ARHGAP10: variants seen among roughly 807,000 people sequenced by gnomAD.
ARHGAP10 encodes rho GTPase-activating protein 10.
A neutral mutation model predicts 108.6 loss-of-function variants in ARHGAP10; 87 were observed. The ratio of observed to expected loss-of-function variants is 0.80; its 90% CI spans 0.67 to 0.96. The LOEUF (loss-of-function observed/expected upper bound fraction) is 0.96, where lower values mean the gene tolerates loss of function less well. Ranked by LOEUF, ARHGAP10 falls within the 40% of genes least tolerant of loss-of-function variation. The pLI, the probability that ARHGAP10 is intolerant of heterozygous loss-of-function variation, is 0.00. For synonymous variants in ARHGAP10, 347 were observed against 341.1 expected (o/e 1.02, Z -0.19); for missense variants, 939 against 954.5 (o/e 0.98, Z 0.21).
intron 22 of ARHGAP10, among the ~76,000 whole-genome samples, chr4:148,068,487 G>T (rs1022655117): frequency 3.9e-5 from 6 of 152,142 alleles, no homozygotes; most frequent in Admixed American, 2.6e-4. Flanking sequence ...TAGCACAGGG[G>T]AATCTGAGAA....
chr4:147,825,374 G>A (rs1732666489), intron 3 of ARHGAP10, among the ~76,000 whole-genome samples: 1 of 152,042 alleles, frequency 6.6e-6, no homozygotes, highest in South Asian at 2.1e-4. Context: ...TTGAGCCCGG[G>A]AGGCGGAGGT....
At chr4:147,922,299 G>A (rs1235002230) in intron 13 of ARHGAP10, among the ~76,000 whole-genome samples, 2 of 151,894 alleles carry the variant, frequency 1.3e-5, no homozygotes, top group Non-Finnish European at 2.9e-5. Context: ...TTGCCTTTGA[G>A]TGATAAGGAC....
At chr4:147,908,323 T>C (rs759329436) in intron 11 of ARHGAP10, among the ~76,000 whole-genome samples, 5 of 152,194 alleles carry the variant, frequency 3.3e-5, no homozygotes, top group Non-Finnish European at 5.9e-5. Flanking sequence ...TTTGCATCCA[T>C]TAAAATACAG....
intron 1 of ARHGAP10, among the ~76,000 whole-genome samples, chr4:147,778,679 A>G (rs1730408057): frequency 6.6e-6 from 1 of 152,132 alleles, no homozygotes; most frequent in African/African-American, 2.4e-5. Flanking sequence ...GCCTTAGAGT[A>G]TTTCTTAACA....
At chr4:148,049,470 G>A (rs1051817350) in intron 20 of ARHGAP10, among the ~76,000 whole-genome samples, 5 of 152,120 alleles carry the variant, frequency 3.3e-5, no homozygotes, top group African/African-American at 9.7e-5. Context: ...CCCAGTAGCC[G>A]GTGTGTGCTT....
intron 13 of ARHGAP10, 95 bp from the exon 14 acceptor site, chr4:147,939,730 T>A (rs1738098870): frequency 4.7e-6 from 5 of 1,060,938 alleles, no homozygotes; most frequent in Non-Finnish European, 7.4e-6. Flanking sequence ...GGAATGCTGC[T>A]AATGTTAGTT....
chr4:147,800,408 T>G (rs1053935240), intron 1 of ARHGAP10, among the ~76,000 whole-genome samples: 16 of 152,162 alleles, frequency 1.1e-4, no homozygotes, highest in Admixed American at 3.3e-4. Context: ...CTGGGGAGTC[T>G]TGTGTCTGCC....
chr4:147,989,052 G>C (rs1578764050), intron 18 of ARHGAP10, among the ~76,000 whole-genome samples: 1 of 152,208 alleles, frequency 6.6e-6, no homozygotes, highest in Non-Finnish European at 1.5e-5. Context: ...CGACTGGCTT[G>C]AGAAATAAAA....
At chr4:147,784,969 A>C (rs1002190505) in intron 1 of ARHGAP10, among the ~76,000 whole-genome samples, 1 of 134,734 alleles carries the variant, frequency 7.4e-6, no homozygotes, top group Non-Finnish European at 1.5e-5. Context: ...ATATTATGAA[A>C]TATGTTATAT....
chr4:147,747,273 T>C (rs764119923), intron 1 of ARHGAP10, among the ~76,000 whole-genome samples: 19 of 152,170 alleles, frequency 1.2e-4, no homozygotes, highest in Non-Finnish European at 1.8e-4. Context: ...CCTGGGAAGA[T>C]TGTAGGACTT....
chr4:147,859,855 T>A (rs957849824), intron 5 of ARHGAP10, among the ~76,000 whole-genome samples: 7 of 152,234 alleles, frequency 4.6e-5, no homozygotes, highest in African/African-American at 1.7e-4. Flanking sequence ...ATGAATAATT[T>A]GTTTCATTTA....
At chr4:147,784,218 A>G (rs1332614171) in intron 1 of ARHGAP10, among the ~76,000 whole-genome samples, 1 of 104,562 alleles carries the variant, frequency 9.6e-6, no homozygotes. Flanking sequence ...TTTACATAAC[A>G]TTAAATTGTG....
intron 1 of ARHGAP10, among the ~76,000 whole-genome samples, chr4:147,762,784 C>A (rs1729644799): frequency 6.6e-6 from 1 of 152,036 alleles, no homozygotes. Flanking sequence ...CCTGCCTCAG[C>A]CTCCCAAAGT....
At chr4:147,993,871 C>G (rs1306778033) in intron 18 of ARHGAP10, among the ~76,000 whole-genome samples, 1 of 152,190 alleles carries the variant, frequency 6.6e-6, no homozygotes, top group Admixed American at 6.5e-5. Flanking sequence ...ATTAAAGGCT[C>G]AGTGAGGAGC....
At chr4:147,743,637 C>T (rs1728786564) in intron 1 of ARHGAP10, among the ~76,000 whole-genome samples, 1 of 152,094 alleles carries the variant, frequency 6.6e-6, no homozygotes, top group Admixed American at 6.5e-5. Flanking sequence ...ATTAACTGGG[C>T]ATGGTGGTGC....
At chr4:147,980,882 G>C (rs753091421) in intron 18 of ARHGAP10, among the ~76,000 whole-genome samples, 39 of 152,030 alleles carry the variant, frequency 2.6e-4, no homozygotes, top group Non-Finnish European at 5.3e-4. Context: ...CTGTGGTATC[G>C]GTTGTTATGT....
At chr4:147,842,686 CT>C (rs1733464265) in intron 3 of ARHGAP10, among the ~76,000 whole-genome samples, 1 of 152,206 alleles carries the variant, frequency 6.6e-6, no homozygotes, top group East Asian at 1.9e-4. Flanking sequence ...GCATAATCTC[CT>C]TCAGGAAGTC....
At chr4:148,047,153 G>T (rs1728925551) in intron 20 of ARHGAP10, 102 bp downstream of exon 20, 1 of 1,376,852 alleles carries the variant, frequency 7.3e-7, no homozygotes, top group East Asian at 2.4e-5. Flanking sequence ...GAAGCCATTA[G>T]ATCTAGGAGC....
At chr4:148,035,779 G>A (rs951382487) in intron 19 of ARHGAP10, among the ~76,000 whole-genome samples, 4 of 152,262 alleles carry the variant, frequency 2.6e-5, no homozygotes, top group Middle Eastern at 3.4e-3. Context: ...TGGGCAGTTG[G>A]CAGGGTTAAT....
Sources: gnomAD v4.1 joint callset for allele counts (sites outside exome capture counted in the v4.1 genomes callset) on GRCh38, gnomAD v4.1.1 for gene constraint, MANE v1.5 for transcripts, NCBI Gene and HGNC (gene_info 2026-07-23, HGNC 2026-07-21) for gene names.